The following SLC25A21 variants were observed in gnomAD, a reference collection of about 807,000 sequenced individuals.
The protein encoded by SLC25A21 is mitochondrial 2-oxodicarboxylate carrier.
A neutral mutation model predicts 43.8 loss-of-function variants in SLC25A21; 47 were observed. The ratio of observed to expected loss-of-function variants is 1.07; its 90% CI spans 0.85 to 1.37. SLC25A21 has a LOEUF of 1.37. Ranked by LOEUF, SLC25A21 falls within the 40% of genes most tolerant of loss-of-function variation. The pLI, the probability that SLC25A21 is intolerant of heterozygous loss-of-function variation, is 0.00. For missense variants in SLC25A21, 352 were observed against 350.2 expected, an observed-to-expected ratio of 1.00 and a Z score of -0.04; for synonymous variants, 131 against 121.3, an observed-to-expected ratio of 1.08 and a Z score of -0.52.
chr14:36,857,176 G>T (rs1013508564), intron 2 of SLC25A21, among the ~76,000 whole-genome samples: 1 of 152,156 alleles, frequency 6.6e-6, no homozygotes, highest in African/African-American at 2.4e-5. Context: ...GGTGTGCCTG[G>T]GTTTGGGTCT....
At chr14:36,775,447 C>T (rs1886787334) in intron 3 of SLC25A21, among the ~76,000 whole-genome samples, 1 of 152,144 alleles carries the variant, frequency 6.6e-6, no homozygotes, top group Non-Finnish European at 1.5e-5. Context: ...TTAAGGGCTT[C>T]CCAAATCAAA....
At chr14:37,057,195 AT>A (rs547048220) in intron 1 of SLC25A21, among the ~76,000 whole-genome samples, 204 of 152,254 alleles carry the variant, frequency 1.3e-3, no homozygotes, top group African/African-American at 4.9e-3. Context: ...CTCCCTAACT[AT>A]TTTTAGCTTT....
chr14:36,760,393 C>A lies in SLC25A21; in HGVS notation c.204-25820G>T, dbSNP rs1054336153. Among the ~76,000 whole-genome samples the A allele has an allele frequency of 2.4e-3, 300 of 124,252 alleles. 1 individual carries two copies. The highest frequency in any genetic ancestry group is 3.1e-3 in the Non-Finnish European group (175 of 57,122). 81.5% of individuals were successfully genotyped at this position (124,252 alleles called of 152,430 possible). ...GAAGGAAGGAAGGAAGGAAGGAAGG[C>A]AGGCCTCATGAAGAAAATCTCTGGA... On this transcript the variant is annotated intron_variant, in intron 3 of 9. Coordinates refer to ENST00000331299, the MANE Select transcript of SLC25A21 (RefSeq NM_030631.4).
chr14:36,924,519 C>A (rs1299859058), intron 1 of SLC25A21, among the ~76,000 whole-genome samples: 2 of 151,572 alleles, frequency 1.3e-5, no homozygotes, highest in Non-Finnish European at 2.9e-5. Context: ...CACACTGGGG[C>A]CTGTTGTGGG....
chr14:36,879,571 T>C (rs904379067), intron 1 of SLC25A21, among the ~76,000 whole-genome samples: 1 of 152,178 alleles, frequency 6.6e-6, no homozygotes, highest in South Asian at 2.1e-4. Flanking sequence ...CAAAAATGCA[T>C]GGGTTATCCC....
chr14:36,719,636 A>G (rs879302229), intron 6 of SLC25A21, among the ~76,000 whole-genome samples: 2 of 152,210 alleles, frequency 1.3e-5, no homozygotes, highest in Non-Finnish European at 2.9e-5. Context: ...GGTGGCAAGG[A>G]TTATAGTCTT....
intron 1 of SLC25A21, among the ~76,000 whole-genome samples, chr14:37,130,857 T>C (rs966534620): frequency 6.6e-6 from 1 of 152,164 alleles, no homozygotes; most frequent in Non-Finnish European, 1.5e-5. Flanking sequence ...AAAATAACCA[T>C]AGAAAAGGAA....
At chr14:37,103,382 G>A (rs147261401) in intron 1 of SLC25A21, among the ~76,000 whole-genome samples, 4 of 152,234 alleles carry the variant, frequency 2.6e-5, no homozygotes, top group East Asian at 3.9e-4. Flanking sequence ...CGTCTATCAC[G>A]GGTTTAAGCA....
intron 7 of SLC25A21, among the ~76,000 whole-genome samples, chr14:36,709,173 A>G (rs2139184889): frequency 6.6e-6 from 1 of 152,226 alleles, no homozygotes; most frequent in South Asian, 2.1e-4. Flanking sequence ...ATGCCCAGCT[A>G]ATTTTTGTAT....
chr14:36,883,753 C>T (rs1012110950), intron 1 of SLC25A21, among the ~76,000 whole-genome samples: 12 of 151,842 alleles, frequency 7.9e-5, no homozygotes, highest in African/African-American at 2.2e-4. Flanking sequence ...TTTAGTGTAC[C>T]GAAAAGGAAC....
chr14:36,860,948 C>A (rs528132406), intron 2 of SLC25A21, among the ~76,000 whole-genome samples: 4 of 152,162 alleles, frequency 2.6e-5, no homozygotes, highest in African/African-American at 4.8e-5. Flanking sequence ...TAAGCTCTCA[C>A]AAAAGTTTCA....
intron 7 of SLC25A21, among the ~76,000 whole-genome samples, chr14:36,697,914 T>C (rs1566507719): frequency 6.6e-6 from 1 of 152,106 alleles, no homozygotes; most frequent in African/African-American, 2.4e-5. Flanking sequence ...TCCATTTACA[T>C]TTAAGGTTAA....
intron 1 of SLC25A21, among the ~76,000 whole-genome samples, chr14:36,949,178 G>C (rs1207667788): frequency 4.6e-5 from 7 of 152,166 alleles, no homozygotes; most frequent in Admixed American, 4.6e-4. Context: ...ACTTGTCTCA[G>C]TCACCACAAT....
intron 1 of SLC25A21, among the ~76,000 whole-genome samples, chr14:36,994,736 G>C (rs1960335477): frequency 6.6e-6 from 1 of 152,054 alleles, no homozygotes; most frequent in African/African-American, 2.4e-5. Context: ...CAGGTACCTT[G>C]AATCTAACAA....
At chr14:36,895,681 C>T (rs1349060107) in intron 1 of SLC25A21, among the ~76,000 whole-genome samples, 1 of 152,110 alleles carries the variant, frequency 6.6e-6, no homozygotes, top group Non-Finnish European at 1.5e-5. Flanking sequence ...GCATTTAGTG[C>T]TATAAATTTC....
chr14:36,748,230 G>A (rs537142877), intron 3 of SLC25A21, among the ~76,000 whole-genome samples: 5 of 152,246 alleles, frequency 3.3e-5, no homozygotes, highest in South Asian at 4.1e-4. Flanking sequence ...TGGCTCTAAC[G>A]CTTCTTCCCT....
At chr14:37,050,175 AT>A (rs1478856689) in intron 1 of SLC25A21, among the ~76,000 whole-genome samples, 1 of 152,224 alleles carries the variant, frequency 6.6e-6, no homozygotes, top group Non-Finnish European at 1.5e-5. Context: ...GTTCAAAATT[AT>A]TTATGAGTGC....
intron 1 of SLC25A21, among the ~76,000 whole-genome samples, chr14:37,104,592 C>CT (rs1319756397): frequency 2.0e-5 from 3 of 152,146 alleles, no homozygotes; most frequent in Non-Finnish European, 4.4e-5. Context: ...GTGGCACAAA[C>CT]TTAACAGCAT....
intron 2 of SLC25A21, among the ~76,000 whole-genome samples, chr14:36,837,982 C>T (rs185279708): frequency 4.5e-4 from 68 of 152,266 alleles, no homozygotes; most frequent in Non-Finnish European, 8.4e-4. Flanking sequence ...CCACAGAGCC[C>T]GTGGAAGTGA....
Sources: allele counts gnomAD v4.1 joint callset (sites outside exome capture counted in the v4.1 genomes callset), GRCh38; gene constraint gnomAD v4.1.1; transcripts MANE v1.5; gene names NCBI Gene and HGNC (gene_info 2026-07-23, HGNC 2026-07-21).